The following CPQ variants were observed in gnomAD, a reference collection of about 807,000 sequenced individuals.
CPQ encodes the protein carboxypeptidase Q, also known as Ser-Met dipeptidase.
CPQ carries 37 observed loss-of-function variants against 45.7 expected under a neutral mutation model. That is an observed-to-expected ratio of 0.81 (90% CI 0.62 to 1.07). CPQ has a LOEUF of 1.07. Ranked by LOEUF, CPQ falls within the 50% of genes least tolerant of loss-of-function variation. CPQ has a pLI of 0.00. For synonymous variants in CPQ, 186 were observed against 205.8 expected, an observed-to-expected ratio of 0.90 and a Z score of 0.82; for missense variants, 537 against 572.9, an observed-to-expected ratio of 0.94 and a Z score of 0.64.
intron 1 of CPQ, among the ~76,000 whole-genome samples, chr8:96,647,388 G>C (rs1337249212): frequency 2.0e-5 from 3 of 152,134 alleles, no homozygotes; most frequent in African/African-American, 7.2e-5. Context: ...ATGGGGCACT[G>C]ACCATACACC....
chr8:96,795,538 ATT>A (rs1810916935), intron 2 of CPQ, among the ~76,000 whole-genome samples: 1 of 152,148 alleles, frequency 6.6e-6, no homozygotes, highest in Non-Finnish European at 1.5e-5. Flanking sequence ...ATGCATATGT[ATT>A]TTATTTTATA....
intron 5 of CPQ, among the ~76,000 whole-genome samples, chr8:96,992,902 A>C (rs1270383708): frequency 6.6e-6 from 1 of 152,144 alleles, no homozygotes; most frequent in Non-Finnish European, 1.5e-5. Flanking sequence ...AATTGGAGGG[A>C]GTATCATGAC....
chr8:97,135,396 TTTCAA>T (rs1452606062), intron 7 of CPQ, among the ~76,000 whole-genome samples: 2 of 152,132 alleles, frequency 1.3e-5, no homozygotes, highest in Admixed American at 6.5e-5. Context: ...TGAGTCTAAT[TTTCAA>T]TAAGATTTAA....
chr8:96,774,679 G>A (rs1003194018), intron 1 of CPQ, among the ~76,000 whole-genome samples: 8 of 152,144 alleles, frequency 5.3e-5, no homozygotes, highest in African/African-American at 1.9e-4. Flanking sequence ...TGACTAGGGT[G>A]GGGAATAAAG....
intron 1 of CPQ, chr8:96,680,526 G>A (rs575426896): frequency 6.6e-6 from 1 of 152,312 alleles, no homozygotes; most frequent in Admixed American, 6.5e-5. Flanking sequence ...ATTATTATGA[G>A]GCCTCCCAGC....
intron 1 of CPQ, among the ~76,000 whole-genome samples, chr8:96,769,998 G>A (rs1018269569): frequency 6.6e-6 from 1 of 152,064 alleles, no homozygotes; most frequent in Non-Finnish European, 1.5e-5. Context: ...ATACACTCAG[G>A]CAACTTGAAA....
chr8:96,754,448 A>T (rs1056153095), intron 1 of CPQ, among the ~76,000 whole-genome samples: 23 of 152,004 alleles, frequency 1.5e-4, no homozygotes, highest in Non-Finnish European at 3.1e-4. Context: ...TATGAGGGTT[A>T]TGTCAACGTC....
At chr8:96,966,358 G>T (rs1813562986) in intron 5 of CPQ, among the ~76,000 whole-genome samples, 1 of 152,180 alleles carries the variant, frequency 6.6e-6, no homozygotes, top group Non-Finnish European at 1.5e-5. Context: ...AGAAAAATCA[G>T]CAGCACCTCC....
chr8:96,926,570 C>CTTCTTCTTCT (rs1563530774), intron 4 of CPQ, among the ~76,000 whole-genome samples: 29 of 46,664 alleles, frequency 6.2e-4, no homozygotes, highest in African/African-American at 2.8e-3. Flanking sequence ...CTTCCTCTTC[C>CTTCTTCTTCT]TCTTCCTCTT....
intron 1 of CPQ, among the ~76,000 whole-genome samples, chr8:96,761,954 T>C (rs564759643): frequency 6.6e-6 from 1 of 152,278 alleles, no homozygotes; most frequent in Non-Finnish European, 1.5e-5. Context: ...ATTAATAGAA[T>C]TCATCAGCCA....
chr8:97,071,639 T>G (rs961444824), intron 7 of CPQ, among the ~76,000 whole-genome samples: 1 of 152,168 alleles, frequency 6.6e-6, no homozygotes, highest in Non-Finnish European at 1.5e-5. Context: ...CAACCTGTGT[T>G]TTTAATCTTC....
chr8:97,091,548 A>G (rs1811124357), intron 7 of CPQ, among the ~76,000 whole-genome samples: 1 of 152,260 alleles, frequency 6.6e-6, no homozygotes, highest in Admixed American at 6.5e-5. Flanking sequence ...GCATAAAATC[A>G]GTTTTAGGGC....
rs181942010 is a variant in CPQ at position 96,662,893 on chromosome 8, C to T, written c.-35+17491C>T. On this transcript the variant is annotated intron_variant, in intron 1 of 7. Coordinates refer to ENST00000220763, the MANE Select transcript of CPQ (RefSeq NM_016134.4). ...GTCCCAGCTACTTGAGAGGCTGAGG[C>T]GGCAGGATTACCTGAGCCCTGTAAG... is the stretch of plus-strand genomic sequence containing the variant. Among the ~76,000 whole-genome samples the T allele has an allele frequency of 5.3e-5, 8 of 152,168 alleles. No homozygotes were observed. In the East Asian group the frequency reaches 7.7e-4, roughly 15 times the overall value.
At chr8:96,797,728 G>T (rs1488933493) in intron 2 of CPQ, among the ~76,000 whole-genome samples, 1 of 151,736 alleles carries the variant, frequency 6.6e-6, no homozygotes, top group Admixed American at 6.6e-5. Flanking sequence ...ACCAGCCCGA[G>T]CAACGTAGTG....
At chr8:96,726,735 T>C (rs1809847005) in intron 1 of CPQ, among the ~76,000 whole-genome samples, 3 of 152,094 alleles carry the variant, frequency 2.0e-5, no homozygotes, top group African/African-American at 4.8e-5. Flanking sequence ...AGATTGGGTG[T>C]GGACATAGAT....
At chr8:97,140,963 T>C (rs1200656548) in intron 7 of CPQ, among the ~76,000 whole-genome samples, 1 of 152,052 alleles carries the variant, frequency 6.6e-6, no homozygotes, top group Non-Finnish European at 1.5e-5. Context: ...GATGTACTAC[T>C]AATGAATAAA....
At chr8:96,746,915 G>A (rs957435363) in intron 1 of CPQ, among the ~76,000 whole-genome samples, 12 of 152,134 alleles carry the variant, frequency 7.9e-5, no homozygotes, top group South Asian at 2.1e-4. Flanking sequence ...CCAAATGTGC[G>A]TTCCAAAATA....
chr8:96,684,354 A>T (rs1210152796), intron 1 of CPQ, among the ~76,000 whole-genome samples: 1 of 152,140 alleles, frequency 6.6e-6, no homozygotes, highest in Non-Finnish European at 1.5e-5. Context: ...GCAGTTGTTA[A>T]TGGATGTTGT....
chr8:96,692,027 G>T (rs1809311164), intron 1 of CPQ, among the ~76,000 whole-genome samples: 1 of 152,140 alleles, frequency 6.6e-6, no homozygotes, highest in African/African-American at 2.4e-5. Context: ...CTATTAATAA[G>T]TCATACAGTT....
Sources: allele counts gnomAD v4.1 joint callset (sites outside exome capture counted in the v4.1 genomes callset), GRCh38; gene constraint gnomAD v4.1.1; transcripts MANE v1.5; gene names NCBI Gene and HGNC (gene_info 2026-07-23, HGNC 2026-07-21).